HEBP1: variants seen among roughly 807,000 people sequenced by gnomAD.
HEBP1 encodes the protein heme-binding protein 1.
Under a neutral mutation model 20.4 loss-of-function variants are expected in HEBP1, and 13 were observed. That is an observed-to-expected ratio of 0.64 (90% CI 0.42 to 1.01). The LOEUF is 1.01. HEBP1 is among the 50% of genes least tolerant of loss of function. The probability of loss-of-function intolerance (pLI) is 0.00; values close to 1 mark genes in which losing one functional copy is unlikely to be tolerated. For synonymous variants in HEBP1, 92 were observed against 90.7 expected (o/e 1.01, Z -0.08); for missense variants, 241 against 247.3 (o/e 0.97, Z 0.17).
chr12:12,985,770 A>G (rs1438369872), intron 3 of HEBP1: 2 of 152,118 alleles, frequency 1.3e-5, no homozygotes, highest in South Asian at 2.1e-4. Flanking sequence ...CACATCATAT[A>G]TAGGAGGTTA....
At chr12:12,976,333 C>T (rs1434779268) in intron 3 of HEBP1, among the ~76,000 whole-genome samples, 1 of 152,140 alleles carries the variant, frequency 6.6e-6, no homozygotes, top group East Asian at 1.9e-4. Flanking sequence ...GACAGAGAAG[C>T]AATAAAGCCT....
chr12:12,977,746 C>T (rs139902600), intron 3 of HEBP1, among the ~76,000 whole-genome samples: 1 of 152,254 alleles, frequency 6.6e-6, no homozygotes, highest in East Asian at 1.9e-4. Context: ...CTATGTTTTA[C>T]TTTTTCTTTC....
rs1348017282 is a variant in HEBP1, at chr12:12,997,000, T to C, written c.78+3037A>G. 1.3e-5 allele frequency among the ~76,000 whole-genome samples: 2 copies of C among 152,234 alleles called. No individual in the cohort carries two copies. The highest frequency in any genetic ancestry group is 2.4e-5 in the African/African-American group (1 of 41,460). On this transcript the variant is annotated intron_variant, in intron 1 of 3. Transcript: ENST00000014930. This position sits in a 1 kb window ranked among gnomAD's most constrained non-coding sequence, Gnocchi z 4.1. ...TGATATAATGCTATTACTATATTTG[T>C]AGGGTATGTATACTACTTTACAAAA...
chr12:12,975,670 G>C lies in HEBP1; in HGVS notation c.399-191C>G, dbSNP rs545766918. On this transcript the variant is annotated intron_variant, in intron 3 of 3. Coordinates refer to ENST00000014930, the MANE Select transcript of HEBP1 (RefSeq NM_015987.5). ...AGCCTCAGTTTCCTCATCTGAAAAA[G>C]GAGATATATTTTCTTTTTCCTCTAG... 3.3e-5 allele frequency among the ~76,000 whole-genome samples: 5 copies of C among 152,274 alleles called. No homozygotes were observed. In the South Asian group the frequency reaches 1.0e-3, roughly 32 times the overall value.
In HEBP1 at chr12:12,989,495, A is replaced by G. The variant is rs550185396; in HGVS notation, c.79-80T>C. On this transcript the variant is annotated intron_variant, in intron 1 of 3. Transcript: ENST00000014930. ...TCTCTAGAAGTAGTAACAGAGGGCT[A>G]AAAAACTTTCCTTGGTGGGTATGGC... 10 of 1,463,340 alleles carry G rather than the reference A, an allele frequency of 6.8e-6. No individual in the cohort carries two copies. In the African/African-American group the frequency reaches 1.3e-4, roughly 18 times the overall value. The allele number at this position is 1,463,340 out of a possible 1,614,324, so 90.6% of individuals were successfully genotyped here. A position where few individuals can be genotyped will look rare whatever the true frequency, so the allele number is the denominator to read the frequency against.
rs889742113 is a variant in HEBP1 at position 12,996,011 on chromosome 12, T to G, written c.78+4026A>C. Among the ~76,000 whole-genome samples the G allele has an allele frequency of 9.2e-5, 14 of 152,254 alleles. No homozygotes were observed. The highest frequency in any genetic ancestry group is 3.1e-4 in the African/African-American group (13 of 41,464). ...GGTCAGTTTTTTTCTTGCCACTTCA[T>G]GTAGTGGGTATACATGCTAATGTTG... is the stretch of plus-strand genomic sequence containing the variant. On this transcript the variant is annotated intron_variant, in intron 1 of 3. Coordinates refer to ENST00000014930, the MANE Select transcript of HEBP1 (RefSeq NM_015987.5). The surrounding 1 kb of genome is among the most constrained non-coding windows in gnomAD (Gnocchi z 4.1).
intron 1 of HEBP1, among the ~76,000 whole-genome samples, chr12:12,993,807 G>T (rs1864258991): frequency 6.6e-6 from 1 of 152,172 alleles, no homozygotes; most frequent in Non-Finnish European, 1.5e-5. Context: ...TATAAGGGAA[G>T]ATGCCAGGAA....
intron 1 of HEBP1, among the ~76,000 whole-genome samples, chr12:12,992,424 G>A (rs535275578): frequency 1.2e-4 from 19 of 152,240 alleles, no homozygotes; most frequent in South Asian, 4.1e-4. Flanking sequence ...GACTGGTCTC[G>A]AACTCCTGAC....
At chr12:12,997,287 G>A (rs1864302490) in intron 1 of HEBP1, among the ~76,000 whole-genome samples, 1 of 152,188 alleles carries the variant, frequency 6.6e-6, no homozygotes, top group Non-Finnish European at 1.5e-5. Context: ...ACAGGAAACA[G>A]AAACTACTAG....
chr12:12,987,785 C>T (rs923718494), intron 2 of HEBP1, among the ~76,000 whole-genome samples: 6 of 151,906 alleles, frequency 3.9e-5, no homozygotes, highest in South Asian at 2.1e-4. Flanking sequence ...TACAGGTGTG[C>T]GCCACCACAC....
In HEBP1 at chr12:13,000,042, C is replaced by A. The variant is rs773681152; in HGVS notation, c.73G>T (p.Asp25Tyr). The A allele has an allele frequency of 9.3e-6, 15 of 1,609,764 alleles. No homozygotes were observed. The highest frequency in any genetic ancestry group is 1.0e-5 in the Non-Finnish European group (12 of 1,177,194). Residue 25 changes from aspartate to tyrosine, a missense_variant, in exon 1 of 4, where the codon GAC becomes TAC. Coordinates refer to ENST00000014930, the MANE Select transcript of HEBP1 (RefSeq NM_015987.5). ...CGGCAGCCCTGCGGGCCTACCTTGTCCCCTTTGCTTAGGACCTGCCAAGGC... is the reference window on the plus strand; with the variant it reads ...CGGCAGCCCTGCGGGCCTACCTTGTACCCTTTGCTTAGGACCTGCCAAGGC... ...TWPWQVLSKG[D>Y]KEEVAYEERA...
chr12:12,998,237 G>T lies in HEBP1; in HGVS notation c.78+1800C>A, dbSNP rs1022314597. ...AAAACATAAGTTCCATGAGGGCAGAGAATTTTGCTGGTTTTAATCTTTTAT... is the reference window on the plus strand; with the variant it reads ...AAAACATAAGTTCCATGAGGGCAGATAATTTTGCTGGTTTTAATCTTTTAT... On this transcript the variant is annotated intron_variant, in intron 1 of 3. Coordinates refer to ENST00000014930, the MANE Select transcript of HEBP1 (RefSeq NM_015987.5). The surrounding 1 kb of genome is among the most constrained non-coding windows in gnomAD (Gnocchi z 4.2). 3.9e-5 allele frequency among the ~76,000 whole-genome samples: 6 copies of T among 152,122 alleles called. No individual in the cohort carries two copies. Among genetic ancestry groups the T allele is most frequent in the Admixed American group, 1.3e-4 (2 of 15,272 alleles).
intron 1 of HEBP1, among the ~76,000 whole-genome samples, chr12:12,991,787 A>G (rs1350512414): frequency 6.6e-6 from 1 of 151,986 alleles, no homozygotes; most frequent in Non-Finnish European, 1.5e-5. Context: ...TCCTTCCCCT[A>G]TCCTGTTTTC....
Position 12,996,670 on chromosome 12 carries a change from A to G in HEBP1, c.78+3367T>C, listed in dbSNP as rs775191525. Reference sequence around the variant, plus strand: ...ATATTTAAAAAAAAAAAGGTTTACAAGTATCTATGCATAATTAATTAATTT... The same window carrying G: ...ATATTTAAAAAAAAAAAGGTTTACAGGTATCTATGCATAATTAATTAATTT... On this transcript the variant is annotated intron_variant, in intron 1 of 3. Coordinates refer to ENST00000014930, the MANE Select transcript of HEBP1 (RefSeq NM_015987.5). The surrounding 1 kb of genome is among the most constrained non-coding windows in gnomAD (Gnocchi z 4.1). Among the ~76,000 whole-genome samples the G allele has an allele frequency of 2.6e-5, 4 of 152,256 alleles. No homozygotes were observed. The highest frequency in any genetic ancestry group is 2.0e-4 in the Admixed American group (3 of 15,306).
At chr12:12,988,466 G>C (rs1315641071) in intron 2 of HEBP1, among the ~76,000 whole-genome samples, 1 of 152,032 alleles carries the variant, frequency 6.6e-6, no homozygotes, top group East Asian at 1.9e-4. Context: ...ATAAAAGAAT[G>C]GTTACTCAAT....
rs944040891 is a variant in HEBP1, at chr12:12,986,525, A to G, written c.398+627T>C. 3.3e-5 allele frequency: 5 copies of G among 152,284 alleles called. No individual in the cohort carries two copies. The highest frequency in any genetic ancestry group is 7.2e-5 in the African/African-American group (3 of 41,464). The allele number at this position is 152,284 out of a possible 1,614,324, so 9.4% of individuals were successfully genotyped here. On this transcript the variant is annotated intron_variant, in intron 3 of 3. Transcript: ENST00000014930. This position sits in a 1 kb window ranked among gnomAD's most constrained non-coding sequence, Gnocchi z 4.3. ...TTTTAACAAATGTGAGGAGTCATCA[A>G]TGATCTAGAAGACTTGGTTTCTGAG...
intron 3 of HEBP1, among the ~76,000 whole-genome samples, chr12:12,978,783 A>C (rs1864034794): frequency 6.6e-6 from 1 of 152,160 alleles, no homozygotes; most frequent in South Asian, 2.1e-4. Context: ...CAGAATAGGG[A>C]TTAAAGGCTG....
intron 1 of HEBP1, among the ~76,000 whole-genome samples, chr12:12,999,112 T>C (rs1377972069): frequency 1.3e-5 from 2 of 152,252 alleles, no homozygotes; most frequent in African/African-American, 2.4e-5. Flanking sequence ...AGCGCATTTA[T>C]ATCTATTCTG....
chr12:12,982,376 T>C (rs2136541398), intron 3 of HEBP1, among the ~76,000 whole-genome samples: 1 of 152,334 alleles, frequency 6.6e-6, no homozygotes, highest in Non-Finnish European at 1.5e-5. Context: ...GTGCTAAGAC[T>C]GAAAACCCTT....
Sources: gnomAD v4.1 joint callset for allele counts (sites outside exome capture counted in the v4.1 genomes callset) on GRCh38, gnomAD v4.1.1 for gene constraint, Gnocchi (gnomAD v3.1) non-coding constraint, MANE v1.5 for transcripts, NCBI Gene and HGNC (gene_info 2026-07-23, HGNC 2026-07-21) for gene names.